Variants in ELF3 observed in about 807,000 individuals in gnomAD.
The protein encoded by ELF3 is ETS-related transcription factor Elf-3.
Under a neutral mutation model 43.9 loss-of-function variants are expected in ELF3, and 18 were observed. That is an observed-to-expected ratio of 0.41 (90% CI 0.28 to 0.61). The LOEUF (loss-of-function observed/expected upper bound fraction) is 0.61. ELF3 is among the 20% of genes least tolerant of loss of function. The pLI, the probability that ELF3 is intolerant of heterozygous loss-of-function variation, is 0.30. For missense variants in ELF3, 373 were observed against 487.7 expected (o/e 0.76, Z 2.21); for synonymous variants, 181 against 190.2 (o/e 0.95, Z 0.40).
chr1:202,014,037 C>G lies in ELF3; in HGVS notation c.1001+13C>G, dbSNP rs1200085230. The G allele has an allele frequency of 6.2e-7, 1 of 1,600,070 alleles. No individual in the cohort carries two copies. The highest frequency in any genetic ancestry group is 8.5e-7 in the Non-Finnish European group (1 of 1,170,442). On this transcript the variant is annotated intron_variant, in intron 8 of 8. Coordinates refer to ENST00000367284, the MANE Select transcript of ELF3 (RefSeq NM_004433.5). ...GCCGGGCCATGAGGTGAGCTGGCGG[C>G]CAGGACCCTCACGATACAGCCGGAC...
chr1:202,011,655 T>A lies in ELF3; in HGVS notation c.164-302T>A, dbSNP rs1684198428. ...GGGAGGCTGAGCTGAGCGGATCACC[T>A]GAGGTCAAGAGTTCGAGACCAGCCT... On this transcript the variant is annotated intron_variant, in intron 2 of 8. Coordinates refer to ENST00000367284, the MANE Select transcript of ELF3 (RefSeq NM_004433.5). 6.4e-6 allele frequency: 3 copies of A among 469,496 alleles called. No homozygotes were observed. In the South Asian group the frequency reaches 7.9e-5, roughly 12 times the overall value. The allele number at this position is 469,496 out of a possible 1,614,324, so 29.1% of individuals were successfully genotyped here.
Position 202,013,409 on chromosome 1 carries a change from C to T in ELF3, c.805+111C>T. 1.8e-6 allele frequency: 2 copies of T among 1,118,244 alleles called. No homozygotes were observed. Among genetic ancestry groups the T allele is most frequent in the Non-Finnish European group, 2.6e-6 (2 of 760,862 alleles). The allele number at this position is 1,118,244 out of a possible 1,614,324, so 69.3% of individuals were successfully genotyped here. On this transcript the variant is annotated intron_variant, in intron 7 of 8. Transcript: ENST00000367284. This position sits in a 1 kb window ranked among gnomAD's most constrained non-coding sequence, Gnocchi z 5.7. ...CCCGTTTTCTCTGGCCTCCGCATGG[C>T]CTTTGGTAAGGCTGTGCACAAGCTG...
chr1:202,013,193 G>A lies in ELF3; in HGVS notation c.700G>A (p.Asp234Asn), dbSNP rs1164093461. Residue 234 changes from aspartate to asparagine, a missense_variant, in exon 7 of 9, where the codon GAC (aspartate) becomes AAC (asparagine). Transcript: ENST00000367284. This position sits in a 1 kb window ranked among gnomAD's most constrained non-coding sequence, Gnocchi z 5.7. Reference sequence around the variant, plus strand: ...CACCGTCCCCACAGATGGTTTTCGTGACTGCAAGAAGGGGGATCCCAAGCA... The same window carrying A: ...CACCGTCCCCACAGATGGTTTTCGTAACTGCAAGAAGGGGGATCCCAAGCA... ...GKLFPSDGFR[D>N]CKKGDPKHGK... 4 of 1,613,970 alleles carry A rather than the reference G, an allele frequency of 2.5e-6. No individual in the cohort carries two copies. The highest frequency in any genetic ancestry group is 3.4e-6 in the Non-Finnish European group (4 of 1,180,022).
Position 202,015,447 on chromosome 1 carries a change from A to G in ELF3, c.*124A>G. ...TGCTCCCAGCTGTGCTGTGGAGAGA[A>G]GCTGATGTTTTGGTGTATTGTCAGC... On this transcript the variant is annotated 3_prime_UTR_variant, in exon 9 of 9. Coordinates refer to ENST00000367284, the MANE Select transcript of ELF3 (RefSeq NM_004433.5). The G allele has an allele frequency of 1.1e-6, 1 of 933,690 alleles. No homozygotes were observed. Among genetic ancestry groups the G allele is most frequent in the African/African-American group, 1.6e-5 (1 of 61,028 alleles). 57.8% of individuals were successfully genotyped at this position (933,690 alleles called of 1,614,324 possible).
In ELF3 at chr1:202,013,149, C is replaced by T; in HGVS notation, c.689-33C>T. The T allele has an allele frequency of 6.2e-7, 1 of 1,610,938 alleles. No individual in the cohort carries two copies. Among genetic ancestry groups the T allele is most frequent in the South Asian group, 1.1e-5 (1 of 90,642 alleles). ...GCTACTCTCCCTAACTCCCCTCTTG[C>T]CCCTCCTTGACCTTCCACCACCGTC... On this transcript the variant is annotated intron_variant, in intron 6 of 8. Coordinates refer to ENST00000367284, the MANE Select transcript of ELF3 (RefSeq NM_004433.5). This position sits in a 1 kb window ranked among gnomAD's most constrained non-coding sequence, Gnocchi z 5.7.
chr1:202,011,219 C>T lies in ELF3; in HGVS notation c.83C>T (p.Ser28Phe), dbSNP rs1684186071. ...MYSSEDSTLA[S>F]VPPAATFGAD... ...AGCTCGGAGGACTCCACCCTGGCCTCTGTTCCCCCTGCTGCCACCTTTGGG... is the reference window on the plus strand; with the variant it reads ...AGCTCGGAGGACTCCACCCTGGCCTTTGTTCCCCCTGCTGCCACCTTTGGG... Residue 28 changes from serine (S) to phenylalanine (F), a missense_variant, in exon 2 of 9, where the codon TCT (serine) becomes TTT (phenylalanine). Around this residue, in one of 3 missense-constraint regions of ELF3, gnomAD observed 311 missense variants for 351.2 expected, o/e 0.89. Transcript: ENST00000367284. The T allele has an allele frequency of 6.2e-7, 1 of 1,613,880 alleles. No individual in the cohort carries two copies. The highest frequency in any genetic ancestry group is 8.5e-7 in the Non-Finnish European group (1 of 1,179,856).
rs1028806712 is a variant in ELF3 at position 202,010,734 on chromosome 1, G to C, written c.-9+28G>C. ...AGGATTCCCCGCCTGTCATTCCCTAGCCCAGCTCTTGGGAAACTGCAGAGG... is the reference window on the plus strand; with the variant it reads ...AGGATTCCCCGCCTGTCATTCCCTACCCCAGCTCTTGGGAAACTGCAGAGG... On this transcript the variant is annotated intron_variant, in intron 1 of 8. Transcript: ENST00000367284. This position sits in a 1 kb window ranked among gnomAD's most constrained non-coding sequence, Gnocchi z 4.3. 1 of 164,792 alleles carries C rather than the reference G, an allele frequency of 6.1e-6. No individual in the cohort carries two copies. Among genetic ancestry groups the C allele is most frequent in the African/African-American group, 2.4e-5 (1 of 41,668 alleles). 10.2% of individuals were successfully genotyped at this position (164,792 alleles called of 1,614,324 possible). A position where few individuals can be genotyped will look rare whatever the true frequency, so the allele number is the denominator to read the frequency against.
Position 202,013,353 on chromosome 1 carries a change from G to T in ELF3, c.805+55G>T. On this transcript the variant is annotated intron_variant, in intron 7 of 8. Coordinates refer to ENST00000367284, the MANE Select transcript of ELF3 (RefSeq NM_004433.5). The surrounding 1 kb of genome is among the most constrained non-coding windows in gnomAD (Gnocchi z 5.7). ...TGCGCCGGGCTGAGCGGCTTCCTGGGGCACTGCGGGTTGTTGCAGGTATCC... is the reference window on the plus strand; with the variant it reads ...TGCGCCGGGCTGAGCGGCTTCCTGGTGCACTGCGGGTTGTTGCAGGTATCC... The T allele has an allele frequency of 6.4e-7, 1 of 1,558,882 alleles. No individual in the cohort carries two copies. The highest frequency in any genetic ancestry group is 8.8e-7 in the Non-Finnish European group (1 of 1,136,410).
In ELF3 at chr1:202,012,533, C is replaced by A; in HGVS notation, c.478+97C>A. The A allele has an allele frequency of 6.4e-7, 1 of 1,558,416 alleles. No homozygotes were observed. Among genetic ancestry groups the A allele is most frequent in the East Asian group, 2.3e-5 (1 of 44,364 alleles). ...GATGACCCCCTCCCCAGACTTCTTC[C>A]TCCCTCAATTAGAAAAATTGCAGCA... On this transcript the variant is annotated intron_variant, in intron 4 of 8. Coordinates refer to ENST00000367284, the MANE Select transcript of ELF3 (RefSeq NM_004433.5). This position sits in a 1 kb window ranked among gnomAD's most constrained non-coding sequence, Gnocchi z 4.2.
chr1:202,012,434 T>G lies in ELF3; in HGVS notation c.476T>G (p.Phe159Cys). The G allele has an allele frequency of 6.2e-7, 1 of 1,613,820 alleles. No homozygotes were observed. The highest frequency in any genetic ancestry group is 8.5e-7 in the Non-Finnish European group (1 of 1,179,856). Residue 159 changes from phenylalanine (F) to cysteine (C), a missense_variant and splice_region_variant, in exon 4 of 9, where the codon TTT (phenylalanine) becomes TGT (cysteine). Physicochemically the swap from Phe to Cys is radical, Grantham distance 205. Coordinates refer to ENST00000367284, the MANE Select transcript of ELF3 (RefSeq NM_004433.5). This position sits in a 1 kb window ranked among gnomAD's most constrained non-coding sequence, Gnocchi z 4.2. Reference protein sequence around the residue: ...AFQEALDPGPFDQGSPFAQEL... With the variant: ...AFQEALDPGPCDQGSPFAQEL... ...CAGGAGGCCCTAGACCCAGGGCCCT[T>G]TGGTGAGAACCCGTTTTCTCCTTCC...
At position 202,012,240 on chromosome 1, in the gene ELF3, T is replaced by G. The variant is rs1430681245; in HGVS notation, c.385+62T>G. ...ACATGTTGAGCTGAGTCGAGTTCAG[T>G]GTGGCCGTAGGCAGGCCCTGGAGCT... On this transcript the variant is annotated intron_variant, in intron 3 of 8. Coordinates refer to ENST00000367284, the MANE Select transcript of ELF3 (RefSeq NM_004433.5). The surrounding 1 kb of genome is among the most constrained non-coding windows in gnomAD (Gnocchi z 4.2). 1.9e-6 allele frequency: 3 copies of G among 1,606,430 alleles called. No individual in the cohort carries two copies. The highest frequency in any genetic ancestry group is 2.6e-6 in the Non-Finnish European group (3 of 1,175,868).
chr1:202,012,190 C>T lies in ELF3; in HGVS notation c.385+12C>T, dbSNP rs1421120395. On this transcript the variant is annotated intron_variant, in intron 3 of 8. Coordinates refer to ENST00000367284, the MANE Select transcript of ELF3 (RefSeq NM_004433.5). The surrounding 1 kb of genome is among the most constrained non-coding windows in gnomAD (Gnocchi z 4.2). Reference sequence around the variant, plus strand: ...GCTGCGAGACCTCAGTGAGTCCAGGCCCCTGGAGGCTGGGGAGCAGCTCCA... The same window carrying T: ...GCTGCGAGACCTCAGTGAGTCCAGGTCCCTGGAGGCTGGGGAGCAGCTCCA... The T allele has an allele frequency of 2.5e-6, 4 of 1,611,694 alleles. 1 individual carries two copies. The highest frequency in any genetic ancestry group is 1.3e-5 in the African/African-American group (1 of 74,868).
intron 8 of ELF3, among the ~76,000 whole-genome samples, chr1:202,014,635 T>C (rs1308186484): frequency 2.6e-5 from 4 of 151,746 alleles, no homozygotes; most frequent in Non-Finnish European, 4.4e-5. Context: ...CGAGACAGGG[T>C]CTCGCTCTGT....
At position 202,014,315 on chromosome 1, in the gene ELF3, C is replaced by T. The variant is rs189618630; in HGVS notation, c.1001+291C>T. On this transcript the variant is annotated intron_variant, in intron 8 of 8. Coordinates refer to ENST00000367284, the MANE Select transcript of ELF3 (RefSeq NM_004433.5). ...GGAGAGTGGGAAAGGGGGCAGGAGC[C>T]GTGCCCACCCAGGGCCTGGCTTTCT... 1.4e-4 allele frequency among the ~76,000 whole-genome samples: 22 copies of T among 152,312 alleles called. No homozygotes were observed. In the East Asian group the frequency reaches 3.9e-3, roughly 27 times the overall value.
Position 202,012,722 on chromosome 1 carries a change from A to T in ELF3, c.561A>T (p.Gly187=), listed in dbSNP as rs1016490213. Residue 187 remains glycine, a synonymous_variant, in exon 5 of 9, where the codon GGA becomes GGT. Transcript: ENST00000367284. The surrounding 1 kb of genome is among the most constrained non-coding windows in gnomAD (Gnocchi z 4.2). ...ACCACCCCGGCAGCTGTGGCGCAGGAGCCCCCTCCCCTGGCAGCTCTGACG... is the reference window on the plus strand; with the variant it reads ...ACCACCCCGGCAGCTGTGGCGCAGGTGCCCCCTCCCCTGGCAGCTCTGACG... The part of the protein sequence containing the change: ...SPYHPGSCGA[G]APSPGSSDVS... The T allele has an allele frequency of 5.6e-6, 9 of 1,599,958 alleles. No homozygotes were observed. Among genetic ancestry groups the T allele is most frequent in the Non-Finnish European group, 7.7e-6 (9 of 1,173,496 alleles).
In ELF3 at chr1:202,012,915, G is replaced by A. The variant is rs557061053; in HGVS notation, c.599-32G>A. 2.3e-5 allele frequency: 36 copies of A among 1,588,548 alleles called. No homozygotes were observed. The African/African-American group carries it at 3.5e-4, about 15-fold the overall frequency. On this transcript the variant is annotated intron_variant, in intron 5 of 8. Transcript: ENST00000367284. This position sits in a 1 kb window ranked among gnomAD's most constrained non-coding sequence, Gnocchi z 4.2. ...AGCGTGGTTGAGCAGAGGGTGGGCC[G>A]GCAGGGGACTTACTCTGACCCCGCC...
Position 202,014,008 on chromosome 1 carries a change from C to G in ELF3, c.985C>G (p.Leu329Val). 6.2e-7 allele frequency: 1 copy of G among 1,611,130 alleles called. No individual in the cohort carries two copies. Among genetic ancestry groups the G allele is most frequent in the South Asian group, 1.1e-5 (1 of 90,952 alleles). The change falls in exon 8 of 9, where the codon CTG (leucine) becomes GTG (valine). Residue 329 changes from leucine to valine, a missense_variant. Around this residue, in one of 3 missense-constraint regions of ELF3, gnomAD observed 61 missense variants for 115.9 expected, o/e 0.53. Coordinates refer to ENST00000367284, the MANE Select transcript of ELF3 (RefSeq NM_004433.5). ...GAACAGCAACATGACCTACGAGAAG[C>G]TGAGCCGGGCCATGAGGTGAGCTGG... Reference protein sequence around the residue: ...KKNSNMTYEKLSRAMRYYYKR... With the variant: ...KKNSNMTYEKVSRAMRYYYKR...
At position 202,013,191 on chromosome 1, in the gene ELF3, G is replaced by T. The variant is rs769104884; in HGVS notation, c.698G>T (p.Arg233Leu). The change falls in exon 7 of 9, where the codon CGT (arginine) becomes CTT (leucine). Residue 233 changes from arginine (R) to leucine (L), a missense_variant. Coordinates refer to ENST00000367284, the MANE Select transcript of ELF3 (RefSeq NM_004433.5). This position sits in a 1 kb window ranked among gnomAD's most constrained non-coding sequence, Gnocchi z 5.7. ...ACCACCGTCCCCACAGATGGTTTTC[G>T]TGACTGCAAGAAGGGGGATCCCAAG... Reference protein sequence around the residue: ...DGKLFPSDGFRDCKKGDPKHG... With the variant: ...DGKLFPSDGFLDCKKGDPKHG... 1 of 1,614,000 alleles carries T rather than the reference G, an allele frequency of 6.2e-7. No homozygotes were observed. Among genetic ancestry groups the T allele is most frequent in the Admixed American group, 1.7e-5 (1 of 59,996 alleles).
chr1:202,012,498 G>A lies in ELF3; in HGVS notation c.478+62G>A. 5 of 1,578,452 alleles carry A rather than the reference G, an allele frequency of 3.2e-6. No homozygotes were observed. The South Asian group carries it at 5.8e-5, about 18-fold the overall frequency. On this transcript the variant is annotated intron_variant, in intron 4 of 8. Coordinates refer to ENST00000367284, the MANE Select transcript of ELF3 (RefSeq NM_004433.5). The surrounding 1 kb of genome is among the most constrained non-coding windows in gnomAD (Gnocchi z 4.2). ...CTTGTCCCATCCCTGCCCCTCCACAGAGTGCTAGAGATGACCCCCTCCCCA... is the reference window on the plus strand; with the variant it reads ...CTTGTCCCATCCCTGCCCCTCCACAAAGTGCTAGAGATGACCCCCTCCCCA...
Sources: allele counts gnomAD v4.1 joint callset (sites outside exome capture counted in the v4.1 genomes callset), GRCh38; gene constraint gnomAD v4.1.1; regional missense constraint gnomAD v4.1.1; non-coding constraint Gnocchi (gnomAD v3.1); transcripts MANE v1.5; gene names NCBI Gene and HGNC (gene_info 2026-07-23, HGNC 2026-07-21).